Variants in HMCN1 observed in about 807,000 individuals in gnomAD.
HMCN1 encodes hemicentin-1.
A neutral mutation model predicts 625.9 loss-of-function variants in HMCN1; 321 were observed. The ratio of observed to expected loss-of-function variants is 0.51; its 90% CI spans 0.47 to 0.56. The LOEUF is 0.56. HMCN1 is among the 20% of genes least tolerant of loss of function. HMCN1 has a pLI of 0.00. For missense variants in HMCN1, 6,588 were observed against 6,887.3 expected (o/e 0.96, Z 1.54); for synonymous variants, 2,425 against 2,417.6 (o/e 1.00, Z -0.09).
intron 1 of HMCN1, among the ~76,000 whole-genome samples, chr1:185,760,827 A>G (rs988929018): frequency 2.6e-5 from 4 of 152,116 alleles, no homozygotes; most frequent in African/African-American, 9.7e-5. Context: ...AATCCTCATA[A>G]AAACTTTACA....
At chr1:185,754,457 A>T (rs968937876) in intron 1 of HMCN1, among the ~76,000 whole-genome samples, 1 of 149,780 alleles carries the variant, frequency 6.7e-6, no homozygotes, top group Non-Finnish European at 1.5e-5. Context: ...ACATATACGT[A>T]TTTTTTTTTT....
chr1:185,741,803 G>A (rs1330277081), intron 1 of HMCN1, among the ~76,000 whole-genome samples: 1 of 152,252 alleles, frequency 6.6e-6, no homozygotes, highest in African/African-American at 2.4e-5. Flanking sequence ...GGAGATGGGA[G>A]TGAAAGCCTG....
At chr1:185,800,706 A>G (rs890574362) in intron 1 of HMCN1, among the ~76,000 whole-genome samples, 3 of 152,130 alleles carry the variant, frequency 2.0e-5, no homozygotes, top group Non-Finnish European at 4.4e-5. Flanking sequence ...TATTTGAATT[A>G]ACCATACCCA....
chr1:186,088,808 AG>A lies in HMCN1; in HGVS notation c.9727+54del, dbSNP rs745441479. 936 of 1,513,292 alleles carry A rather than the reference AG, an allele frequency of 6.2e-4. 1 individual carries two copies. Among genetic ancestry groups the A allele is most frequent in the Non-Finnish European group, 8.0e-4 (882 of 1,103,326 alleles). 93.7% of individuals were successfully genotyped at this position (1,513,292 alleles called of 1,614,324 possible). A position where few individuals can be genotyped will look rare whatever the true frequency, so the allele number is the denominator to read the frequency against. On this transcript the variant is annotated intron_variant, in intron 63 of 106. Coordinates refer to ENST00000271588, the MANE Select transcript of HMCN1 (RefSeq NM_031935.3). Reference sequence around the variant, plus strand: ...TCAATTTCTTTGTTATTCCATTTATAGTACAAAATAATCTACATTTAAAGGT... The same window carrying A: ...TCAATTTCTTTGTTATTCCATTTATATACAAAATAATCTACATTTAAAGGT...
At chr1:185,795,720 G>C (rs1217020633) in intron 1 of HMCN1, among the ~76,000 whole-genome samples, 1 of 152,156 alleles carries the variant, frequency 6.6e-6, no homozygotes. Flanking sequence ...AAAGAATCAA[G>C]GTCTTGGGAT....
rs115636968 is a variant in HMCN1 at position 185,876,595 on chromosome 1, A to G, written c.621+10732A>G. Among the ~76,000 whole-genome samples the G allele has an allele frequency of 7.6e-3, 1,154 of 152,206 alleles. 8 individuals carry two copies. The highest frequency in any genetic ancestry group is 0.011 in the Non-Finnish European group (725 of 67,972). On this transcript the variant is annotated intron_variant, in intron 4 of 106. Transcript: ENST00000271588. ...TCTGCTCTTTTTTGACTTTTTAGTA[A>G]TAGCCATTCTGACTGGTCAGAAATG...
chr1:185,993,365 C>G (rs778551867), intron 23 of HMCN1, 56 bp downstream of exon 23: 1 of 1,597,038 alleles, frequency 6.3e-7, no homozygotes, highest in Non-Finnish European at 8.6e-7. Flanking sequence ...CACAAAAACC[C>G]GTAATCCTAG....
intron 84 of HMCN1, 60 bp from the exon 85 acceptor site, chr1:186,130,447 A>G (rs1050393405): frequency 2.7e-5 from 41 of 1,531,510 alleles, no homozygotes; most frequent in Non-Finnish European, 3.3e-5. Context: ...TAGGTCAAAG[A>G]TCACAAAGAA....
chr1:185,953,973 G>T (rs1649434073), intron 11 of HMCN1, among the ~76,000 whole-genome samples: 1 of 150,816 alleles, frequency 6.6e-6, no homozygotes, highest in Admixed American at 6.6e-5. Context: ...GGGTCGCAAG[G>T]TGCTCAGTGG....
intron 40 of HMCN1, among the ~76,000 whole-genome samples, chr1:186,042,143 T>C (rs899125267): frequency 6.6e-6 from 1 of 152,184 alleles, no homozygotes; most frequent in Non-Finnish European, 1.5e-5. Flanking sequence ...GGGTTCTCTA[T>C]GTTCCCTTTC....
At position 186,018,259 on chromosome 1, in the gene HMCN1, G is replaced by C; in HGVS notation, c.5377G>C (p.Ala1793Pro). ...ATTAAATGGACGCAAACTGGTTATT[G>C]CTCAGGCTCAAGTGTCAAACACAGG... ...ILLNGRKLVI[A>P]QAQVSNTGLY... Residue 1793 changes from alanine (A) to proline (P), a missense_variant, in exon 34 of 107, where the codon GCT becomes CCT. Physicochemically the swap from Ala to Pro is conservative, Grantham distance 27 (BLOSUM62 -1). Around this residue, in one of 3 missense-constraint regions of HMCN1, gnomAD observed 4,628 missense variants for 4,853.1 expected, o/e 0.95. Coordinates refer to ENST00000271588, the MANE Select transcript of HMCN1 (RefSeq NM_031935.3). 1 of 1,612,868 alleles carries C rather than the reference G, an allele frequency of 6.2e-7. No individual in the cohort carries two copies. Among genetic ancestry groups the C allele is most frequent in the African/African-American group, 1.3e-5 (1 of 74,966 alleles).
intron 1 of HMCN1, among the ~76,000 whole-genome samples, chr1:185,805,262 T>C (rs1659089950): frequency 6.6e-6 from 1 of 152,206 alleles, no homozygotes; most frequent in Non-Finnish European, 1.5e-5. Context: ...TGCAACATTT[T>C]AAATTTTATT....
intron 104 of HMCN1, among the ~76,000 whole-genome samples, chr1:186,179,814 T>A (rs1182441241): frequency 6.6e-6 from 1 of 152,170 alleles, no homozygotes; most frequent in East Asian, 1.9e-4. Context: ...ACTTCATTAT[T>A]ATCTTCTCAG....
intron 101 of HMCN1, 47 bp downstream of exon 101, chr1:186,171,497 C>A: frequency 7.5e-7 from 1 of 1,328,024 alleles, no homozygotes; most frequent in Non-Finnish European, 1.1e-6. Context: ...TCTATAACTT[C>A]TTAATGATGT....
At chr1:185,812,849 T>C (rs1310713807) in intron 1 of HMCN1, among the ~76,000 whole-genome samples, 2 of 152,020 alleles carry the variant, frequency 1.3e-5, no homozygotes, top group Admixed American at 1.3e-4. Flanking sequence ...CACAATAAGA[T>C]GGAAATGAGA....
intron 97 of HMCN1, among the ~76,000 whole-genome samples, chr1:186,154,294 C>A (rs1301893859): frequency 3.9e-5 from 6 of 152,136 alleles, no homozygotes; most frequent in African/African-American, 1.4e-4. Flanking sequence ...GTAATCCCAG[C>A]ACTTTGGGAG....
At chr1:185,886,251 A>G (rs981944028) in intron 4 of HMCN1, among the ~76,000 whole-genome samples, 6 of 152,008 alleles carry the variant, frequency 3.9e-5, no homozygotes, top group African/African-American at 1.2e-4. Flanking sequence ...GGGTGGAAAC[A>G]GAGAAACAGA....
intron 52 of HMCN1, among the ~76,000 whole-genome samples, chr1:186,073,662 A>C (rs1376480708): frequency 1.3e-5 from 2 of 152,060 alleles, no homozygotes; most frequent in Admixed American, 6.6e-5. Flanking sequence ...AAAAGAGTTG[A>C]GAGTTTTATA....
intron 70 of HMCN1, among the ~76,000 whole-genome samples, chr1:186,108,053 A>C (rs1228974607): frequency 3.3e-5 from 5 of 151,506 alleles, no homozygotes; most frequent in Non-Finnish European, 7.4e-5. Flanking sequence ...AAAAAAAAAA[A>C]AAAAAAGTCA....
Sources: gnomAD v4.1 joint callset for allele counts (sites outside exome capture counted in the v4.1 genomes callset) on GRCh38, gnomAD v4.1.1 for gene constraint, gnomAD v4.1.1 regional missense constraint, MANE v1.5 for transcripts, NCBI Gene and HGNC (gene_info 2026-07-23, HGNC 2026-07-21) for gene names.